USP34: variants seen among roughly 807,000 people sequenced by gnomAD.
USP34 encodes the protein ubiquitin specific peptidase 34.
Under a neutral mutation model 460.3 loss-of-function variants are expected in USP34, and 70 were observed. The observed-to-expected ratio is 0.15, with a 90% CI of 0.13 to 0.19. USP34 has a LOEUF of 0.19. Ranked by LOEUF, USP34 falls within the 10% of genes least tolerant of loss-of-function variation. USP34 has a pLI of 1.00. For synonymous variants in USP34, 1,647 were observed against 1,405.3 expected (o/e 1.17, Z -3.85); for missense variants, 3,985 against 4,236.2 (o/e 0.94, Z 1.65).
rs1250549912 is a variant in USP34, at chr2:61,265,421, T to G, written c.5754A>C (p.Ala1918=). The G allele has an allele frequency of 6.2e-7, 1 of 1,611,890 alleles. No homozygotes were observed. Reference sequence around the variant, plus strand: ...CCTTGGCAGTGAAGACAGCCTGTCTTGCCTCAGGTATCATATAAAGTTGCT... The same window carrying G: ...CCTTGGCAGTGAAGACAGCCTGTCTGGCCTCAGGTATCATATAAAGTTGCT... ...TIQQLYMIPE[A]RQAVFTAKYS... is the part of the protein sequence containing the mutation. Residue 1918 remains alanine (A), a synonymous_variant, in exon 43 of 80, where the codon GCA becomes GCC. Transcript: ENST00000398571.
At chr2:61,419,856 T>C (rs764647858) in intron 2 of USP34, among the ~76,000 whole-genome samples, 4 of 152,192 alleles carry the variant, frequency 2.6e-5, no homozygotes, top group Non-Finnish European at 5.9e-5. Context: ...CAACCACTCC[T>C]AAACTTACTG....
At chr2:61,431,203 G>A (rs898762446) in intron 1 of USP34, among the ~76,000 whole-genome samples, 1 of 151,758 alleles carries the variant, frequency 6.6e-6, no homozygotes, top group Admixed American at 6.6e-5. Flanking sequence ...TTTTGTTTTT[G>A]TTGTTCTTTG....
intron 10 of USP34, among the ~76,000 whole-genome samples, chr2:61,365,887 G>C (rs1692421542): frequency 6.6e-6 from 1 of 152,030 alleles, no homozygotes; most frequent in Non-Finnish European, 1.5e-5. Flanking sequence ...GAAAATTAAA[G>C]TTCCCATCAG....
At position 61,308,628 on chromosome 2, in the gene USP34, T is replaced by TTTA. The variant is rs1572920763; in HGVS notation, c.3817+2911_3817+2912insTAA. ...AATGTGCCAAACTGAAAGGGTCCAG[T>TTTA]GCTAAATACCTAAACATGTAAATAC... On this transcript the variant is annotated intron_variant, in intron 27 of 79. Coordinates refer to ENST00000398571, the MANE Select transcript of USP34 (RefSeq NM_014709.4). Among the ~76,000 whole-genome samples, 4 of 152,244 alleles carry TTTA rather than the reference T, an allele frequency of 2.6e-5. No homozygotes were observed. The East Asian group carries it at 7.7e-4, about 29-fold the overall frequency.
chr2:61,378,789 C>T (rs189409840), intron 7 of USP34, among the ~76,000 whole-genome samples: 71 of 151,648 alleles, frequency 4.7e-4, no homozygotes, highest in East Asian at 2.3e-3. Context: ...GCCTAAAACG[C>T]GAGCTACTCA....
chr2:61,351,891 G>T (rs1449697155), intron 10 of USP34, among the ~76,000 whole-genome samples: 2 of 152,108 alleles, frequency 1.3e-5, no homozygotes, highest in Non-Finnish European at 2.9e-5. Flanking sequence ...TGATTTTAAG[G>T]ACAAGTGAAT....
intron 1 of USP34, among the ~76,000 whole-genome samples, chr2:61,423,746 C>A (rs978968008): frequency 5.3e-5 from 8 of 152,244 alleles, no homozygotes; most frequent in African/African-American, 1.9e-4. Context: ...GAATTCAAGA[C>A]CAGCCTGGGC....
Position 61,214,595 on chromosome 2 carries a change from A to C in USP34, c.8147T>G (p.Leu2716Arg). 6.2e-7 allele frequency: 1 copy of C among 1,614,104 alleles called. No homozygotes were observed. Among genetic ancestry groups the C allele is most frequent in the Non-Finnish European group, 8.5e-7 (1 of 1,179,980 alleles). ...TAGGACTACTGTTGTGTCTGGACTGAGTGGAAGGTCACGGGTTGGGATGTG... is the reference window on the plus strand; with the variant it reads ...TAGGACTACTGTTGTGTCTGGACTGCGTGGAAGGTCACGGGTTGGGATGTG... ...SLHIPTRDLP[L>R]SPDTTVVLHQ... The change falls in exon 68 of 80, where the codon CTC becomes CGC. Residue 2716 changes from leucine (L) to arginine (R), a missense_variant. Leu to Arg is a moderately radical substitution (Grantham distance 102). This residue lies in a region of USP34 where 604 missense variants were observed against 684.8 expected (regional missense o/e 0.88). Coordinates refer to ENST00000398571, the MANE Select transcript of USP34 (RefSeq NM_014709.4).
chr2:61,425,189 C>A (rs1402714787), intron 1 of USP34, among the ~76,000 whole-genome samples: 1 of 151,646 alleles, frequency 6.6e-6, no homozygotes, highest in Non-Finnish European at 1.5e-5. Context: ...CATGCCCCCG[C>A]CAACAAGGAT....
intron 16 of USP34, among the ~76,000 whole-genome samples, chr2:61,341,406 C>A (rs1572950104): frequency 6.6e-6 from 1 of 152,312 alleles, no homozygotes; most frequent in East Asian, 1.9e-4. Flanking sequence ...CCCTCCAAAT[C>A]TCATGTTGAA....
intron 53 of USP34, 49 bp downstream of exon 53, chr2:61,241,511 A>G (rs1688259198): frequency 7.1e-7 from 1 of 1,403,138 alleles, no homozygotes; most frequent in South Asian, 1.3e-5. Context: ...TCCTTGCATA[A>G]ACACTTAACA....
rs532558919 is a variant in USP34 at position 61,257,682 on chromosome 2, A to G, written c.5845-332T>C. Among the ~76,000 whole-genome samples the G allele has an allele frequency of 2.6e-5, 4 of 151,878 alleles. No homozygotes were observed. The South Asian group carries it at 8.3e-4, about 32-fold the overall frequency. On this transcript the variant is annotated intron_variant, in intron 44 of 79. Transcript: ENST00000398571. ...GGGAGGCCGAAGCAGGCGGATTATG[A>G]GGTCAAGAGATTGAGACCATCCTGG...
chr2:61,223,737 G>C (rs1687654653), intron 62 of USP34: 2 of 164,848 alleles, frequency 1.2e-5, no homozygotes, highest in Admixed American at 1.2e-4. Context: ...GCAGTGATGT[G>C]ATCGCAGCTC....
At chr2:61,402,108 G>A (rs977693703) in intron 3 of USP34, among the ~76,000 whole-genome samples, 2 of 151,836 alleles carry the variant, frequency 1.3e-5, no homozygotes, top group East Asian at 3.9e-4. Flanking sequence ...TCTTAAAAAA[G>A]TAATAATAAA....
At chr2:61,462,245 G>GA (rs1260341115) in intron 1 of USP34, among the ~76,000 whole-genome samples, 48 of 143,490 alleles carry the variant, frequency 3.3e-4, no homozygotes, top group South Asian at 6.7e-4. Flanking sequence ...ATCTCAGGGG[G>GA]AAAAAAAAAA....
chr2:61,203,319 T>G, intron 74 of USP34, 56 bp from the exon 75 acceptor site: 1 of 1,386,738 alleles, frequency 7.2e-7, no homozygotes, highest in East Asian at 2.6e-5. Flanking sequence ...AAAGAGCATA[T>G]TTTGTGCAAA....
chr2:61,458,561 G>A (rs373912870), intron 1 of USP34, among the ~76,000 whole-genome samples: 325 of 96,342 alleles, frequency 3.4e-3, no homozygotes, highest in Middle Eastern at 6.8e-3. Flanking sequence ...AACTGTCTCA[G>A]AAAAAAAAAA....
chr2:61,196,069 ATTT>A (rs71403398), intron 75 of USP34, among the ~76,000 whole-genome samples: 101 of 41,544 alleles, frequency 2.4e-3, no homozygotes, highest in African/African-American at 9.4e-3. Context: ...ACCATGCACG[ATTT>A]TTTTTTTTTT....
intron 75 of USP34, among the ~76,000 whole-genome samples, chr2:61,198,973 C>T (rs1686890125): frequency 6.6e-6 from 1 of 152,148 alleles, no homozygotes; most frequent in Admixed American, 6.6e-5. Flanking sequence ...TTTTACTTAA[C>T]GTTCTTCATC....
Sources: allele counts gnomAD v4.1 joint callset (sites outside exome capture counted in the v4.1 genomes callset), GRCh38; gene constraint gnomAD v4.1.1; regional missense constraint gnomAD v4.1.1; transcripts MANE v1.5; gene names NCBI Gene and HGNC (gene_info 2026-07-23, HGNC 2026-07-21).